Variants in RBM41 observed in about 807,000 individuals in gnomAD.
RBM41 encodes RNA binding motif protein 41, also known as RNA-binding protein 41.
A neutral mutation model predicts 30.8 loss-of-function variants in RBM41; 14 were observed. The observed-to-expected ratio is 0.45, with a 90% CI of 0.30 to 0.71. The LOEUF is 0.71. RBM41 is among the 30% of genes least tolerant of loss of function. The pLI is 0.08. For synonymous variants in RBM41, 120 were observed against 110.1 expected (o/e 1.09, Z -0.56); for missense variants, 276 against 326.3 (o/e 0.85, Z 1.19).
chrX:107,064,389 T>G lies in RBM41; in HGVS notation c.*3138A>C, dbSNP rs1935759416. The G allele has an allele frequency of 1.1e-5, 1 of 88,155 alleles. No homozygotes were observed. Among genetic ancestry groups the G allele is most frequent in the African/African-American group, 4.1e-5 (1 of 24,372 alleles). 7.3% of individuals were successfully genotyped at this position (88,155 alleles called of 1,213,427 possible). ...AGGGTTTTGTAATTTCCCTTATGAT[T>G]TTTTTCTTTGACACATTTTTTTTTT... is the stretch of plus-strand genomic sequence containing the variant. On this transcript the variant is annotated 3_prime_UTR_variant, in exon 8 of 8. Coordinates refer to ENST00000685964, the MANE Select transcript of RBM41 (RefSeq NM_001324242.2).
intron 5 of RBM41, among the ~76,000 whole-genome samples, chrX:107,099,741 AGGGGAACTGTTC>A (rs1304050698): frequency 4.5e-5 from 5 of 110,132 alleles, no homozygotes; most frequent in African/African-American, 1.3e-4. Context: ...ACACGAAGGC[AGGGGAACTGTTC>A]GGGGAACTGT....
intron 6 of RBM41, among the ~76,000 whole-genome samples, chrX:107,077,371 G>A (rs1921044461): frequency 9.0e-6 from 1 of 111,088 alleles, no homozygotes; most frequent in South Asian, 3.9e-4. Flanking sequence ...GACCTCAGGT[G>A]ATCCACCCGC....
intron 5 of RBM41, among the ~76,000 whole-genome samples, chrX:107,110,802 A>T (rs1425449455): frequency 9.0e-6 from 1 of 111,520 alleles, no homozygotes; most frequent in Non-Finnish European, 1.9e-5. Context: ...TGGAAAGAAC[A>T]GTCTTTTTTC....
intron 5 of RBM41, among the ~76,000 whole-genome samples, chrX:107,112,585 C>T (rs186977772): frequency 9.0e-6 from 1 of 111,446 alleles, no homozygotes; most frequent in Non-Finnish European, 1.9e-5. Flanking sequence ...TGTACAAGAA[C>T]GTTCATATCA....
chrX:107,116,830 T>C, intron 1 of RBM41, 64 bp from the exon 2 acceptor site: 2 of 984,472 alleles, frequency 2.0e-6, no homozygotes, highest in Non-Finnish European at 2.8e-6. Context: ...AATATATTCC[T>C]TATCTATATT....
downstream of RBM41, among the ~76,000 whole-genome samples, chrX:107,059,776 G>T (rs1935611800): frequency 9.0e-6 from 1 of 111,524 alleles, no homozygotes; most frequent in East Asian, 2.8e-4. Context: ...CCTCCCCAAA[G>T]GTTATACTTA....
chrX:107,059,991 G>T (rs1935614279), downstream of RBM41, among the ~76,000 whole-genome samples: 1 of 110,772 alleles, frequency 9.0e-6, no homozygotes, highest in South Asian at 3.8e-4. Flanking sequence ...CAGTGCTAGG[G>T]TAGGGAAAAA....
chrX:107,065,704 T>C lies in RBM41; in HGVS notation c.*1823A>G, dbSNP rs924481184. ...TTGTTCCTGTGGATTTGTCTTACCA[T>C]CTGGAGTCAGTTCTTTAGTACAAGA... On this transcript the variant is annotated 3_prime_UTR_variant, in exon 8 of 8. Coordinates refer to ENST00000685964, the MANE Select transcript of RBM41 (RefSeq NM_001324242.2). 2.7e-6 allele frequency: 3 copies of C among 1,130,074 alleles called. No individual in the cohort carries two copies. Among genetic ancestry groups the C allele is most frequent in the African/African-American group, 3.7e-5 (2 of 54,264 alleles). 93.1% of individuals were successfully genotyped at this position (1,130,074 alleles called of 1,213,427 possible).
intron 2 of RBM41, 46 bp from the exon 3 acceptor site, chrX:107,116,100 T>A (rs1458164168): frequency 9.4e-7 from 1 of 1,065,808 alleles, no homozygotes; most frequent in African/African-American, 1.9e-5. Context: ...GAGGTTACTA[T>A]CATTCACAAA....
chrX:107,076,957 T>G (rs73535058), intron 6 of RBM41, among the ~76,000 whole-genome samples: 2,292 of 111,936 alleles, frequency 0.02, 60 homozygotes, highest in African/African-American at 0.071. Context: ...ATTAACATAT[T>G]TAGCATTTAT....
chrX:107,068,538 G>A (rs751169756), intron 7 of RBM41, among the ~76,000 whole-genome samples: 17 of 111,231 alleles, frequency 1.5e-4, no homozygotes, highest in Admixed American at 4.8e-4. Flanking sequence ...CTGGTATAGC[G>A]GATTTAAAAA....
intron 5 of RBM41, among the ~76,000 whole-genome samples, chrX:107,097,101 C>G (rs1205956895): frequency 1.8e-5 from 2 of 112,071 alleles, no homozygotes; most frequent in Non-Finnish European, 3.8e-5. Context: ...GAAATAAGAA[C>G]TCATACATTG....
At chrX:107,052,336 C>T in the RBM41 span, among the ~76,000 whole-genome samples, 3 of 110,914 alleles carry the variant, frequency 2.7e-5, no homozygotes, top group African/African-American at 9.8e-5. Context: ...TCTGATTGGT[C>T]GGGTGTGAGC....
At chrX:107,090,322 C>T (rs1290883820) in intron 5 of RBM41, among the ~76,000 whole-genome samples, 3 of 111,333 alleles carry the variant, frequency 2.7e-5, no homozygotes, top group East Asian at 2.8e-4. Context: ...TGCAGTGAGC[C>T]GAGATCGCGC....
rs1312725245 is a variant in RBM41 at position 107,073,544 on chromosome X, T to C, written c.1000-4142A>G. 4.4e-4 allele frequency among the ~76,000 whole-genome samples: 49 copies of C among 111,860 alleles called. No individual in the cohort carries two copies. In the Admixed American group the frequency reaches 4.6e-3, roughly 10 times the overall value. On this transcript the variant is annotated intron_variant, in intron 6 of 7. Coordinates refer to ENST00000685964, the MANE Select transcript of RBM41 (RefSeq NM_001324242.2). Reference sequence around the variant, plus strand: ...AATTATTACAGACTGTTGGTGGGACTGTAAACTTTTACAGCCACTATGGGA... The same window carrying C: ...AATTATTACAGACTGTTGGTGGGACCGTAAACTTTTACAGCCACTATGGGA...
chrX:107,091,022 A>G (rs963889900), intron 5 of RBM41, among the ~76,000 whole-genome samples: 29 of 107,561 alleles, frequency 2.7e-4, no homozygotes, highest in African/African-American at 9.6e-4. Context: ...ATGTGTTCTC[A>G]TTGTTCAACT....
At position 107,065,662 on chromosome X, in the gene RBM41, T is replaced by C; in HGVS notation, c.*1865A>G. ...TTTTTTATATTAAACTTATTTCCTATTTCACGTTCTCTCCATTTGTTCCTG... is the reference window on the plus strand; with the variant it reads ...TTTTTTATATTAAACTTATTTCCTACTTCACGTTCTCTCCATTTGTTCCTG... On this transcript the variant is annotated 3_prime_UTR_variant, in exon 8 of 8. Transcript: ENST00000685964. 1 of 940,463 alleles carries C rather than the reference T, an allele frequency of 1.1e-6. No individual in the cohort carries two copies. Among genetic ancestry groups the C allele is most frequent in the Non-Finnish European group, 1.4e-6 (1 of 704,263 alleles). 77.5% of individuals were successfully genotyped at this position (940,463 alleles called of 1,213,427 possible).
At chrX:107,092,279 A>AC (rs1231906983) in intron 5 of RBM41, among the ~76,000 whole-genome samples, 4 of 110,507 alleles carry the variant, frequency 3.6e-5, no homozygotes, top group African/African-American at 1.3e-4. Flanking sequence ...AAAAAAAAAA[A>AC]CCCCACAGGA....
chrX:107,058,110 A>G (rs935354704), downstream of RBM41, among the ~76,000 whole-genome samples: 2 of 109,274 alleles, frequency 1.8e-5, no homozygotes, highest in Non-Finnish European at 3.8e-5. Context: ...CCTGGCCAAC[A>G]TGGTGAAACC....
Sources: gnomAD v4.1 joint callset for allele counts (sites outside exome capture counted in the v4.1 genomes callset) on GRCh38, gnomAD v4.1.1 for gene constraint, MANE v1.5 for transcripts, NCBI Gene and HGNC (gene_info 2026-07-23, HGNC 2026-07-21) for gene names.